ERCC8: variants seen among roughly 807,000 people sequenced by gnomAD.
ERCC8 encodes DNA excision repair protein ERCC-8.
Under a neutral mutation model 54.9 loss-of-function variants are expected in ERCC8, and 52 were observed. That is an observed-to-expected ratio of 0.95 (90% CI 0.76 to 1.19). ERCC8 has a LOEUF of 1.19. Ranked by LOEUF, ERCC8 falls within the 50% of genes most tolerant of loss-of-function variation. The pLI, the probability that ERCC8 is intolerant of heterozygous loss-of-function variation, is 0.00. For missense variants in ERCC8, 514 were observed against 466.1 expected (o/e 1.10, Z -0.95); for synonymous variants, 146 against 157.2 (o/e 0.93, Z 0.53).
intron 4 of ERCC8, among the ~76,000 whole-genome samples, chr5:60,910,984 A>T (rs537931099): frequency 3.3e-4 from 50 of 152,220 alleles, no homozygotes; most frequent in South Asian, 1.0e-3. Context: ...TTAGTTTTTT[A>T]AAAAAATAGA....
intron 9 of ERCC8, among the ~76,000 whole-genome samples, chr5:60,891,335 T>A (rs1748542426): frequency 6.6e-6 from 1 of 152,074 alleles, no homozygotes; most frequent in Non-Finnish European, 1.5e-5. Context: ...AAATACAGAC[T>A]TCAACCTTGA....
At chr5:60,893,687 G>A (rs1164300208) in intron 9 of ERCC8, 3 of 455,932 alleles carry the variant, frequency 6.6e-6, no homozygotes, top group Admixed American at 7.4e-5. Flanking sequence ...GCTAGGCTCC[G>A]GACTTCTGGC....
chr5:60,888,150 G>T (rs374522937), intron 10 of ERCC8, among the ~76,000 whole-genome samples: 53 of 152,190 alleles, frequency 3.5e-4, no homozygotes, highest in African/African-American at 1.3e-3. Context: ...TTTTTCCTCT[G>T]CTGTTTAATA....
At chr5:60,924,741 T>G (rs981412612) in intron 2 of ERCC8, among the ~76,000 whole-genome samples, 2 of 152,156 alleles carry the variant, frequency 1.3e-5, no homozygotes, top group Admixed American at 1.3e-4. Context: ...TCTGTTCATT[T>G]CTTTTTGGCT....
At position 60,868,365 on chromosome 5, in the gene ERCC8, C is replaced by T. The variant is rs773427029; in HGVS notation, c.*6250G>A. Reference sequence around the variant, plus strand: ...TGAACTCGGAGAGCGGTTATCAATCCACTAGCACAAAGTTTACCAGTATCT... The same window carrying T: ...TGAACTCGGAGAGCGGTTATCAATCTACTAGCACAAAGTTTACCAGTATCT... On this transcript the variant is annotated 3_prime_UTR_variant, in exon 12 of 12. Coordinates refer to ENST00000676185, the MANE Select transcript of ERCC8 (RefSeq NM_000082.4). Among the ~76,000 whole-genome samples the T allele has an allele frequency of 7.2e-5, 11 of 152,210 alleles. No homozygotes were observed. In the South Asian group the frequency reaches 2.1e-3, roughly 29 times the overall value.
intron 8 of ERCC8, among the ~76,000 whole-genome samples, chr5:60,899,270 C>T (rs1467345213): frequency 6.6e-6 from 1 of 151,920 alleles, no homozygotes; most frequent in Non-Finnish European, 1.5e-5. Flanking sequence ...TATGTTGATA[C>T]AATGGCCACA....
chr5:60,934,036 T>C (rs1240691247), intron 1 of ERCC8, among the ~76,000 whole-genome samples: 2 of 152,234 alleles, frequency 1.3e-5, no homozygotes, highest in African/African-American at 4.8e-5. Flanking sequence ...AATTGTGCTG[T>C]TATAAACATG....
chr5:60,904,124 A>G (rs1389558349), intron 5 of ERCC8, among the ~76,000 whole-genome samples: 2 of 152,120 alleles, frequency 1.3e-5, no homozygotes, highest in African/African-American at 4.8e-5. Flanking sequence ...TTATCACATC[A>G]AATCATTGTA....
At position 60,944,993 on chromosome 5, in the gene ERCC8, A is replaced by T. The variant is rs775769269; in HGVS notation, c.16T>A (p.Ser6Thr). 1.9e-6 allele frequency: 3 copies of T among 1,614,094 alleles called. No individual in the cohort carries two copies. In the Admixed American group the frequency reaches 5.0e-5, roughly 27 times the overall value. Residue 6 changes from serine (S) to threonine (T), a missense_variant, in exon 1 of 12, where the codon TCC (serine) becomes ACC (threonine). Coordinates refer to ENST00000676185, the MANE Select transcript of ERCC8 (RefSeq NM_000082.4). ...TCCTCCAAACCCGTTTGGCGTGCGG[A>T]CAAAAACCCCAGCATATCGTGTCCT... MLGFL[S>T]ARQTGLEDPL... is the part of the protein sequence containing the mutation.
At chr5:60,926,840 T>C (rs1749763917) in intron 2 of ERCC8, among the ~76,000 whole-genome samples, 1 of 152,216 alleles carries the variant, frequency 6.6e-6, no homozygotes, top group South Asian at 2.1e-4. Context: ...AAAGTTGAAA[T>C]TTTAATCTTA....
intron 1 of ERCC8, among the ~76,000 whole-genome samples, chr5:60,933,409 G>C (rs1332459431): frequency 1.3e-5 from 2 of 151,472 alleles, no homozygotes; most frequent in Non-Finnish European, 2.9e-5. Context: ...AGTAGAGATG[G>C]GGTTTCACCA....
chr5:60,887,204 T>C (rs1342602221), intron 11 of ERCC8, among the ~76,000 whole-genome samples: 1 of 152,218 alleles, frequency 6.6e-6, no homozygotes, highest in African/African-American at 2.4e-5. Flanking sequence ...TTACGGAAAT[T>C]ACCAAGAAAT....
intron 2 of ERCC8, among the ~76,000 whole-genome samples, chr5:60,922,794 C>T (rs1475738292): frequency 6.6e-6 from 1 of 152,116 alleles, no homozygotes; most frequent in Non-Finnish European, 1.5e-5. Context: ...AGGCATGGTT[C>T]CTGTCTTCGC....
chr5:60,876,245 T>C (rs1748003251), intron 11 of ERCC8, among the ~76,000 whole-genome samples: 1 of 152,220 alleles, frequency 6.6e-6, no homozygotes, highest in African/African-American at 2.4e-5. Context: ...TTCCATGGTA[T>C]ATATGTGCCA....
At chr5:60,878,238 A>G (rs1477764383) in intron 11 of ERCC8, among the ~76,000 whole-genome samples, 1 of 152,186 alleles carries the variant, frequency 6.6e-6, no homozygotes, top group Non-Finnish European at 1.5e-5. Context: ...TTCATGGTGG[A>G]TAAGCTTTTT....
Position 60,872,007 on chromosome 5 carries a change from G to T in ERCC8, c.*2608C>A, listed in dbSNP as rs1464925472. Among the ~76,000 whole-genome samples, 2 of 152,078 alleles carry T rather than the reference G, an allele frequency of 1.3e-5. No individual in the cohort carries two copies. The highest frequency in any genetic ancestry group is 2.4e-5 in the African/African-American group (1 of 41,400). On this transcript the variant is annotated 3_prime_UTR_variant, in exon 12 of 12. Transcript: ENST00000676185. Reference sequence around the variant, plus strand: ...TTTAGAGACGAGGTTTTGCCATGTTGCCCAGGCTGGTCTTGAACTCCTGAG... The same window carrying T: ...TTTAGAGACGAGGTTTTGCCATGTTTCCCAGGCTGGTCTTGAACTCCTGAG...
At chr5:60,877,695 T>A (rs1045073362) in intron 11 of ERCC8, among the ~76,000 whole-genome samples, 44 of 152,264 alleles carry the variant, frequency 2.9e-4, no homozygotes, top group African/African-American at 1.0e-3. Context: ...TGTATAAGAA[T>A]GCTTGTGATT....
In ERCC8 at chr5:60,891,394, T is replaced by A. The variant is rs77502795; in HGVS notation, c.844-308A>T. ...AAAAAATTAAAAAAACGTAAGACATTAGTGATACAAGTGAGGTAAACATGT... is the reference window on the plus strand; with the variant it reads ...AAAAAATTAAAAAAACGTAAGACATAAGTGATACAAGTGAGGTAAACATGT... On this transcript the variant is annotated intron_variant, in intron 9 of 11. Transcript: ENST00000676185. Among the ~76,000 whole-genome samples, 99 of 152,256 alleles carry A rather than the reference T, an allele frequency of 6.5e-4. 3 individuals are homozygous for A. In the East Asian group the frequency reaches 0.019, roughly 29 times the overall value.
chr5:60,932,470 G>T (rs908933928), intron 1 of ERCC8, among the ~76,000 whole-genome samples: 1 of 152,078 alleles, frequency 6.6e-6, no homozygotes, highest in African/African-American at 2.4e-5. Flanking sequence ...CTTTATGAAC[G>T]GTACCCAGTA....
Sources: allele counts gnomAD v4.1 joint callset (sites outside exome capture counted in the v4.1 genomes callset), GRCh38; gene constraint gnomAD v4.1.1; transcripts MANE v1.5; gene names NCBI Gene and HGNC (gene_info 2026-07-23, HGNC 2026-07-21).